The following XKR9 variants were observed in gnomAD, a reference collection of about 807,000 sequenced individuals.
XKR9 encodes the protein XK-related protein 9.
XKR9 carries 32 observed loss-of-function variants against 32.0 expected under a neutral mutation model. The ratio of observed to expected loss-of-function variants is 1.00; its 90% CI spans 0.76 to 1.34. The LOEUF is 1.34. XKR9 is among the 40% of genes most tolerant of loss of function. XKR9 has a pLI of 0.00. For synonymous variants in XKR9, 168 were observed against 143.4 expected, an observed-to-expected ratio of 1.17 and a Z score of -1.22; for missense variants, 546 against 429.7, an observed-to-expected ratio of 1.27 and a Z score of -2.39.
the XKR9 span, among the ~76,000 whole-genome samples, chr8:70,900,232 T>C: frequency 6.6e-6 from 1 of 152,160 alleles, no homozygotes; most frequent in Non-Finnish European, 1.5e-5. Context: ...CACTGGTTAC[T>C]TTATATAATT....
rs567172242 is a variant in XKR9 at position 70,693,494 on chromosome 8, T to C, written c.272+12164T>C. Among the ~76,000 whole-genome samples, 3 of 152,322 alleles carry C rather than the reference T, an allele frequency of 2.0e-5. No individual in the cohort carries two copies. The South Asian group carries it at 6.2e-4, about 32-fold the overall frequency. On this transcript the variant is annotated intron_variant, in intron 3 of 4. Transcript: ENST00000408926. ...TCCTCTCTCCCTTGAGTACTGGCTG[T>C]AGTTCACAACTTGTCACTCCTGGGA...
the XKR9 span, among the ~76,000 whole-genome samples, chr8:70,990,501 TA>T: frequency 6.6e-6 from 1 of 152,232 alleles, no homozygotes; most frequent in African/African-American, 2.4e-5. Flanking sequence ...CTGCAATCCA[TA>T]AAAGCACAGT....
chr8:70,687,145 C>T (rs997949223), intron 3 of XKR9, among the ~76,000 whole-genome samples: 1 of 152,156 alleles, frequency 6.6e-6, no homozygotes, highest in Non-Finnish European at 1.5e-5. Context: ...TATTATTCTA[C>T]TCTCTATCTC....
At chr8:70,710,464 G>C (rs898461199) in intron 4 of XKR9, among the ~76,000 whole-genome samples, 1 of 152,130 alleles carries the variant, frequency 6.6e-6, no homozygotes, top group Non-Finnish European at 1.5e-5. Context: ...ACTTTGGGAG[G>C]CTAAGGCGGG....
the XKR9 span, among the ~76,000 whole-genome samples, chr8:70,894,618 G>A: frequency 1.3e-5 from 2 of 152,120 alleles, no homozygotes; most frequent in Admixed American, 1.3e-4. Context: ...TGGGATGCAG[G>A]GCACCACTTC....
chr8:70,846,191 C>T, the XKR9 span, among the ~76,000 whole-genome samples: 12 of 152,124 alleles, frequency 7.9e-5, no homozygotes, highest in East Asian at 2.1e-3. Context: ...GAAAGAGTAC[C>T]TTACTTACCA....
the XKR9 span, among the ~76,000 whole-genome samples, chr8:70,878,312 C>A: frequency 4.6e-5 from 7 of 152,080 alleles, no homozygotes; most frequent in Admixed American, 1.3e-4. Flanking sequence ...ACAATATTAA[C>A]CTTAAATGTA....
chr8:70,948,155 A>G, the XKR9 span, among the ~76,000 whole-genome samples: 1 of 152,192 alleles, frequency 6.6e-6, no homozygotes, highest in South Asian at 2.1e-4. Flanking sequence ...CACAGTTTCA[A>G]AATGACTGTT....
intron 1 of XKR9, among the ~76,000 whole-genome samples, chr8:70,669,771 A>G (rs1305600189): frequency 6.8e-6 from 1 of 146,972 alleles, no homozygotes. Flanking sequence ...GGTTCACGCC[A>G]TCCTCCTGCC....
intron 2 of XKR9, among the ~76,000 whole-genome samples, chr8:70,752,656 C>T (rs1184894814): frequency 6.6e-6 from 1 of 152,110 alleles, no homozygotes; most frequent in Non-Finnish European, 1.5e-5. Flanking sequence ...GGGGACAAAC[C>T]ATAGCAAAGT....
At chr8:70,786,519 A>G (rs1181887100) in intron 2 of XKR9, among the ~76,000 whole-genome samples, 1 of 152,144 alleles carries the variant, frequency 6.6e-6, no homozygotes, top group Non-Finnish European at 1.5e-5. Flanking sequence ...ATTTATCATT[A>G]CATAATGTCC....
At chr8:70,792,259 C>G (rs1807773660), downstream of XKR9, among the ~76,000 whole-genome samples, 2 of 152,166 alleles carry the variant, frequency 1.3e-5, no homozygotes, top group South Asian at 4.1e-4. Flanking sequence ...AAAATCATTC[C>G]TATCTCCAAG....
chr8:70,865,674 T>C, the XKR9 span, among the ~76,000 whole-genome samples: 1 of 152,186 alleles, frequency 6.6e-6, no homozygotes, highest in Non-Finnish European at 1.5e-5. Context: ...ATAGGACTAA[T>C]GCCAGATCTG....
At chr8:71,049,347 T>C in the XKR9 span, among the ~76,000 whole-genome samples, 5 of 152,280 alleles carry the variant, frequency 3.3e-5, no homozygotes, top group South Asian at 2.1e-4. Flanking sequence ...CACACACACA[T>C]ATATATGTAC....
At chr8:70,902,405 C>G in the XKR9 span, among the ~76,000 whole-genome samples, 81,667 of 151,898 alleles carry the variant, frequency 0.54, 22,913 homozygotes, top group Middle Eastern at 0.62. Context: ...ATTTTATTCT[C>G]TTTGAAGCAA....
the XKR9 span, among the ~76,000 whole-genome samples, chr8:70,889,811 AG>A: frequency 6.6e-6 from 1 of 152,008 alleles, no homozygotes; most frequent in African/African-American, 2.4e-5. Context: ...TTCTTTATCC[AG>A]TCCATTGTTG....
rs1013249924 is a variant in XKR9, at chr8:70,718,151, C to A, written c.493+10998C>A. ...CCAGTTTTCTGAGCCCTTCAATTCT[C>A]CAGGAAGTGTCAAACTATCCCACAT... On this transcript the variant is annotated intron_variant, in intron 4 of 4. Transcript: ENST00000408926. Among the ~76,000 whole-genome samples the A allele has an allele frequency of 4.6e-5, 7 of 152,116 alleles. No homozygotes were observed. In the East Asian group the frequency reaches 1.3e-3, roughly 29 times the overall value.
chr8:71,032,295 A>AC, the XKR9 span, among the ~76,000 whole-genome samples: 34 of 151,536 alleles, frequency 2.2e-4, no homozygotes, highest in Middle Eastern at 3.4e-3. Flanking sequence ...AAAAAAAAAA[A>AC]AAAAAAAAAA....
At chr8:70,726,184 A>C (rs892907819) in intron 4 of XKR9, among the ~76,000 whole-genome samples, 1 of 152,206 alleles carries the variant, frequency 6.6e-6, no homozygotes, top group Non-Finnish European at 1.5e-5. Context: ...AAGAATGGTG[A>C]AATCATTGAT....
Sources: gnomAD v4.1 joint callset for allele counts (sites outside exome capture counted in the v4.1 genomes callset) on GRCh38, gnomAD v4.1.1 for gene constraint, MANE v1.5 for transcripts, NCBI Gene and HGNC (gene_info 2026-07-23, HGNC 2026-07-21) for gene names.